IL7: variants seen among roughly 807,000 people sequenced by gnomAD.
IL7 encodes interleukin-7.
Under a neutral mutation model 21.6 loss-of-function variants are expected in IL7, and 3 were observed. The observed-to-expected ratio is 0.14, with a 90% CI of 0.06 to 0.36. The LOEUF (loss-of-function observed/expected upper bound fraction) is 0.36, where lower values mean the gene tolerates loss of function less well. Ranked by LOEUF, IL7 falls within the 10% of genes least tolerant of loss-of-function variation. The probability of loss-of-function intolerance (pLI) is 1.00; values close to 1 mark genes in which losing one functional copy is unlikely to be tolerated. For synonymous variants in IL7, 62 were observed against 68.1 expected (o/e 0.91, Z 0.44); for missense variants, 175 against 200.2 (o/e 0.87, Z 0.76).
chr8:78,772,692 C>T (rs922251119), intron 2 of IL7, among the ~76,000 whole-genome samples: 8 of 152,076 alleles, frequency 5.3e-5, no homozygotes, highest in African/African-American at 1.9e-4. Context: ...ACAAAAACAT[C>T]GCCAAATTTC....
intron 2 of IL7, 138 bp from the exon 3 acceptor site, chr8:78,740,220 T>A: frequency 2.5e-6 from 1 of 406,114 alleles, no homozygotes. Context: ...CTGGCTCAGC[T>A]GACTAAGCAT....
In IL7 at chr8:78,733,826, TTTC is replaced by T. The variant is rs1301806551; in HGVS notation, c.418_420del (p.Glu140del). The T allele has an allele frequency of 1.3e-6, 2 of 1,546,364 alleles. No homozygotes were observed. The highest frequency in any genetic ancestry group is 3.9e-5 in the Admixed American group (2 of 51,226). ...TTTTTCTGTTCCTTTAAAGATTTAT[TTTC>T]TTCCTAGAGAATAGAGTTTTAAAAG... On this transcript the variant is annotated inframe_deletion, in exon 6 of 6. Transcript: ENST00000263851.
At chr8:78,678,789 T>A in intron 4 of IL7, 1 of 599,856 alleles carries the variant, frequency 1.7e-6, no homozygotes, top group Non-Finnish European at 2.7e-6. Context: ...TCTGCTACAT[T>A]AAGATTAAAG....
intron 5 of IL7, among the ~76,000 whole-genome samples, chr8:78,734,809 A>G (rs1811517625): frequency 1.3e-5 from 2 of 152,204 alleles, no homozygotes; most frequent in African/African-American, 2.4e-5. Flanking sequence ...CTTAATCATC[A>G]TATGAACTTG....
At chr8:78,729,813 C>T (rs942355837), downstream of IL7, among the ~76,000 whole-genome samples, 7 of 151,926 alleles carry the variant, frequency 4.6e-5, no homozygotes, top group Admixed American at 2.0e-4. Context: ...TTAAAGTTCT[C>T]ATTTGAATCA....
downstream of IL7, among the ~76,000 whole-genome samples, chr8:78,728,013 A>T (rs1811365754): frequency 6.6e-6 from 1 of 152,036 alleles, no homozygotes; most frequent in Non-Finnish European, 1.5e-5. Context: ...TACCATTTGT[A>T]AAAGCACACA....
At chr8:78,772,944 C>G (rs1339055985) in intron 2 of IL7, among the ~76,000 whole-genome samples, 1 of 152,170 alleles carries the variant, frequency 6.6e-6, no homozygotes, top group Non-Finnish European at 1.5e-5. Context: ...TGACTCACAG[C>G]TGGATGAGCA....
At chr8:78,762,142 T>C (rs1812584163) in intron 2 of IL7, 6 of 1,597,298 alleles carry the variant, frequency 3.8e-6, no homozygotes. Flanking sequence ...GTCTACTATG[T>C]GGGTTGTTCA....
At chr8:78,715,625 T>C (rs981003462), downstream of IL7, among the ~76,000 whole-genome samples, 1 of 152,134 alleles carries the variant, frequency 6.6e-6, no homozygotes, top group Non-Finnish European at 1.5e-5. Context: ...ATGGATGACT[T>C]TGAGGGACTT....
chr8:78,759,417 GA>G (rs41308477), intron 2 of IL7, among the ~76,000 whole-genome samples: 38,418 of 147,568 alleles, frequency 0.26, 6,104 homozygotes, highest in African/African-American at 0.46. Context: ...AAAAAAGACA[GA>G]AAAAAAAAAC....
chr8:78,689,584 G>A (rs1810142197), intron 3 of IL7, among the ~76,000 whole-genome samples: 1 of 151,756 alleles, frequency 6.6e-6, no homozygotes, highest in Non-Finnish European at 1.5e-5. Flanking sequence ...AGGGGCAATT[G>A]TTCCCTTTTT....
Position 78,762,335 on chromosome 8 carries a change from C to T in IL7, c.148-22253G>A, listed in dbSNP as rs1812593584. On this transcript the variant is annotated intron_variant, in intron 2 of 5. Transcript: ENST00000263851. ...CCTACAGTTCTCCACCCACTTCTGG[C>T]ATCTGGCAGGGTCCCGCGGGAAGCT... The T allele has an allele frequency of 3.1e-6, 5 of 1,610,832 alleles. No individual in the cohort carries two copies. In the South Asian group the frequency reaches 3.3e-5, roughly 11 times the overall value.
At chr8:78,749,472 G>C (rs778707596) in intron 2 of IL7, among the ~76,000 whole-genome samples, 2 of 152,014 alleles carry the variant, frequency 1.3e-5, no homozygotes, top group Admixed American at 6.6e-5. Flanking sequence ...CCTAAAGTTG[G>C]AGAGAAAGAG....
At position 78,804,998 on chromosome 8, in the gene IL7, C is replaced by A; in HGVS notation, c.-76G>T. 6.6e-7 allele frequency: 1 copy of A among 1,525,846 alleles called. No individual in the cohort carries two copies. The highest frequency in any genetic ancestry group is 1.2e-5 in the South Asian group (1 of 84,168). 94.5% of individuals were successfully genotyped at this position (1,525,846 alleles called of 1,614,324 possible). On this transcript the variant is annotated 5_prime_UTR_variant, in exon 1 of 6. Coordinates refer to ENST00000263851, the MANE Select transcript of IL7 (RefSeq NM_000880.4). ...AAGCTCTCACCGCCCATAGTCACTC[C>A]CAGGACCCTGGTCTTCCGCGGAGTT...
chr8:78,677,148 A>G (rs1809607216), intron 4 of IL7, among the ~76,000 whole-genome samples: 1 of 152,138 alleles, frequency 6.6e-6, no homozygotes, highest in South Asian at 2.1e-4. Flanking sequence ...TTTTTTCCCA[A>G]AGTTTGACAG....
At chr8:78,788,716 A>G (rs529780794) in intron 2 of IL7, among the ~76,000 whole-genome samples, 1 of 152,260 alleles carries the variant, frequency 6.6e-6, no homozygotes, top group African/African-American at 2.4e-5. Flanking sequence ...TTGATGAAGT[A>G]TTTTATAACT....
At chr8:78,758,522 T>G (rs1042097915) in intron 2 of IL7, among the ~76,000 whole-genome samples, 30 of 152,112 alleles carry the variant, frequency 2.0e-4, no homozygotes, top group Non-Finnish European at 4.0e-4. Flanking sequence ...CTGAAGCATT[T>G]ATTGTATGGT....
chr8:78,755,804 A>T (rs1465222901), intron 2 of IL7, among the ~76,000 whole-genome samples: 1 of 152,024 alleles, frequency 6.6e-6, no homozygotes, highest in Non-Finnish European at 1.5e-5. Flanking sequence ...TTCTTTTCTA[A>T]CTTGGACATC....
downstream of IL7, chr8:78,715,373 A>G (rs1184635679): frequency 9.2e-6 from 14 of 1,518,650 alleles, no homozygotes; most frequent in African/African-American, 5.6e-5. Context: ...AAAATTGAGT[A>G]TATGATAGTT....
Sources: allele counts gnomAD v4.1 joint callset (sites outside exome capture counted in the v4.1 genomes callset), GRCh38; gene constraint gnomAD v4.1.1; transcripts MANE v1.5; gene names NCBI Gene and HGNC (gene_info 2026-07-23, HGNC 2026-07-21).